Variants in CCDC68 observed in about 807,000 individuals in gnomAD.
CCDC68 encodes coiled-coil domain containing 68.
Under a neutral mutation model 47.1 loss-of-function variants are expected in CCDC68, and 45 were observed. The observed-to-expected ratio is 0.96, with a 90% CI of 0.75 to 1.23. CCDC68 has a LOEUF of 1.23. Ranked by LOEUF, CCDC68 falls within the 50% of genes most tolerant of loss-of-function variation. CCDC68 has a pLI of 0.00. For missense variants in CCDC68, 353 were observed against 373.6 expected (o/e 0.94, Z 0.45); for synonymous variants, 131 against 129.5 (o/e 1.01, Z -0.08).
rs185990330 is a variant in CCDC68 at position 54,941,947 on chromosome 18, C to G, written c.117+728G>C. ...AGTAGTTGAGATTACAGGCACCCAC[C>G]ACCAAGCCTGGCTAATTTTTTTGTA... On this transcript the variant is annotated intron_variant, in intron 3 of 11. Coordinates refer to ENST00000591504, the MANE Select transcript of CCDC68 (RefSeq NM_025214.3). Among the ~76,000 whole-genome samples, 3 of 152,252 alleles carry G rather than the reference C, an allele frequency of 2.0e-5. No homozygotes were observed. The East Asian group carries it at 5.8e-4, about 29-fold the overall frequency.
chr18:54,942,909 C>A, intron 2 of CCDC68, 106 bp from the exon 3 acceptor site: 1 of 681,102 alleles, frequency 1.5e-6, no homozygotes, highest in Non-Finnish European at 2.6e-6. Flanking sequence ...TCAAATATAG[C>A]AGAAAAGCTA....
At chr18:54,913,718 TAGG>T (rs1191686088) in intron 10 of CCDC68, among the ~76,000 whole-genome samples, 1 of 151,782 alleles carries the variant, frequency 6.6e-6, no homozygotes, top group Non-Finnish European at 1.5e-5. Flanking sequence ...AAGGCTGAGG[TAGG>T]AGGATTGCTT....
At position 54,941,077 on chromosome 18, in the gene CCDC68, T is replaced by C. The variant is rs2044429269; in HGVS notation, c.124A>G (p.Thr42Ala). 1 of 1,611,126 alleles carries C rather than the reference T, an allele frequency of 6.2e-7. No homozygotes were observed. The highest frequency in any genetic ancestry group is 1.1e-5 in the South Asian group (1 of 90,724). ...TGGGTCCTGATCTTTTGCAGAGTAG[T>C]TCGAATCTAGAGAAGGAAAACAAAA... ...EETEYVKKIR[T>A]TLQKIRTQMF... The change falls in exon 4 of 12, where the codon ACT becomes GCT. Residue 42 changes from threonine (T) to alanine (A), a missense_variant. Transcript: ENST00000591504.
chr18:54,909,257 T>C (rs963426569), intron 10 of CCDC68, among the ~76,000 whole-genome samples: 4 of 152,178 alleles, frequency 2.6e-5, no homozygotes, highest in African/African-American at 7.2e-5. Flanking sequence ...TAAAAGTGTC[T>C]GCGACCAAAA....
chr18:54,930,444 A>T (rs1355519812), intron 7 of CCDC68, among the ~76,000 whole-genome samples: 2 of 152,298 alleles, frequency 1.3e-5, no homozygotes, highest in East Asian at 3.9e-4. Context: ...TGAAGGCACT[A>T]ATTACTTCAA....
At position 54,941,888 on chromosome 18, in the gene CCDC68, T is replaced by G. The variant is rs111451265; in HGVS notation, c.117+787A>C. Among the ~76,000 whole-genome samples, 646 of 152,218 alleles carry G rather than the reference T, an allele frequency of 4.2e-3. 7 individuals are homozygous for G. Among genetic ancestry groups the G allele is most frequent in the African/African-American group, 0.014 (594 of 41,544 alleles). On this transcript the variant is annotated intron_variant, in intron 3 of 11. Transcript: ENST00000591504. ...TCTGCTCACTGTAACCTCCGCCTCC[T>G]GGGTTCAAGCGATTCTCCTGCCTCA...
At chr18:54,910,506 G>A (rs1203990752) in intron 10 of CCDC68, among the ~76,000 whole-genome samples, 1 of 152,208 alleles carries the variant, frequency 6.6e-6, no homozygotes, top group Non-Finnish European at 1.5e-5. Context: ...GGCAACACAA[G>A]TTCTTACTCC....
intron 9 of CCDC68, among the ~76,000 whole-genome samples, chr18:54,918,620 GT>G (rs1179130992): frequency 6.6e-6 from 1 of 152,216 alleles, no homozygotes; most frequent in African/African-American, 2.4e-5. Flanking sequence ...TGGCCTTTTA[GT>G]GATGTCATAG....
chr18:54,939,233 A>G (rs2044397429), intron 4 of CCDC68, among the ~76,000 whole-genome samples: 1 of 152,184 alleles, frequency 6.6e-6, no homozygotes, highest in Admixed American at 6.5e-5. Context: ...TCCACTCTTC[A>G]TATACAGAGT....
At chr18:54,935,021 A>C in intron 6 of CCDC68, 73 bp from the exon 7 acceptor site, 1 of 1,244,080 alleles carries the variant, frequency 8.0e-7, no homozygotes. Flanking sequence ...ACCTCTTTCT[A>C]TAATTTTCTA....
chr18:54,926,141 A>G (rs60148136), intron 8 of CCDC68, among the ~76,000 whole-genome samples: 2,053 of 152,298 alleles, frequency 0.013, 45 homozygotes, highest in African/African-American at 0.041. Context: ...ATGTAAATAC[A>G]GAGGGGCCAA....
At chr18:54,938,678 C>T (rs538986772) in intron 4 of CCDC68, among the ~76,000 whole-genome samples, 4 of 152,310 alleles carry the variant, frequency 2.6e-5, no homozygotes, top group Middle Eastern at 3.4e-3. Context: ...AATTGGAAAC[C>T]ACCTAACTTA....
chr18:54,948,524 G>A (rs1402198630), intron 1 of CCDC68, among the ~76,000 whole-genome samples: 1 of 152,206 alleles, frequency 6.6e-6, no homozygotes, highest in African/African-American at 2.4e-5. Flanking sequence ...CACTTTGTTA[G>A]AGCAACCCTA....
chr18:54,904,365 C>G lies in CCDC68; in HGVS notation c.1001G>C (p.Arg334Pro). Residue 334 changes from arginine to proline, a missense_variant, in exon 12 of 12, where the codon CGG (arginine) becomes CCG (proline). By Grantham distance (103) the Arg-to-Pro change is moderately radical. Transcript: ENST00000591504. Reference sequence around the variant, plus strand: ...GATCTTCATCCAGCCAGTTCATTTCCGTAACCTAATCAACATTAAATAAGG... The same window carrying G: ...GATCTTCATCCAGCCAGTTCATTTCGGTAACCTAATCAACATTAAATAAGG... ...VSPYLMLIRL[R>P]K 1 of 1,612,326 alleles carries G rather than the reference C, an allele frequency of 6.2e-7. No homozygotes were observed. The highest frequency in any genetic ancestry group is 1.3e-5 in the African/African-American group (1 of 74,966).
Position 54,919,518 on chromosome 18 carries a change from T to C in CCDC68, c.684-142A>G, listed in dbSNP as rs548887915. On this transcript the variant is annotated intron_variant, in intron 8 of 11. Transcript: ENST00000591504. ...GACCCCGGGGCCCCATTATGCCACATAGGACACACTGAAGATAAATAGCTA... is the reference window on the plus strand; with the variant it reads ...GACCCCGGGGCCCCATTATGCCACACAGGACACACTGAAGATAAATAGCTA... 3.8e-5 allele frequency: 24 copies of C among 638,308 alleles called. No individual in the cohort carries two copies. In the East Asian group the frequency reaches 5.6e-4, roughly 15 times the overall value. The allele number at this position is 638,308 out of a possible 1,614,324, so 39.5% of individuals were successfully genotyped here.
rs1308938136 is a variant in CCDC68 at position 54,940,877 on chromosome 18, G to C, written c.204+120C>G. 12 of 664,902 alleles carry C rather than the reference G, an allele frequency of 1.8e-5. No individual in the cohort carries two copies. The African/African-American group carries it at 1.8e-4, about 10-fold the overall frequency. 41.2% of individuals were successfully genotyped at this position (664,902 alleles called of 1,614,324 possible). A position where few individuals can be genotyped will look rare whatever the true frequency, so the allele number is the denominator to read the frequency against. On this transcript the variant is annotated intron_variant, in intron 4 of 11. Transcript: ENST00000591504. ...ACACATATGGCCATTAACGTCTTTAGATATGCATGAAATATTTCAACACTC... is the reference window on the plus strand; with the variant it reads ...ACACATATGGCCATTAACGTCTTTACATATGCATGAAATATTTCAACACTC...
Position 54,904,373 on chromosome 18 carries a change from A to C in CCDC68, c.993T>G (p.Ile331Met). 6.2e-7 allele frequency: 1 copy of C among 1,613,148 alleles called. No homozygotes were observed. ...TEGVSPYLML[I>M]RLRK ...TCCAGCCAGTTCATTTCCGTAACCT[A>C]ATCAACATTAAATAAGGGGAAACAC... Residue 331 changes from isoleucine to methionine, a missense_variant, in exon 12 of 12, where the codon ATT (isoleucine) becomes ATG (methionine). Coordinates refer to ENST00000591504, the MANE Select transcript of CCDC68 (RefSeq NM_025214.3).
At position 54,914,177 on chromosome 18, in the gene CCDC68, G is replaced by T. The variant is rs887706331; in HGVS notation, c.873+3736C>A. On this transcript the variant is annotated intron_variant, in intron 10 of 11. Coordinates refer to ENST00000591504, the MANE Select transcript of CCDC68 (RefSeq NM_025214.3). ...TTGAATAAATAAATTAATATGGCTT[G>T]GACTTTTTAAAGCTCAAATGGGTGT... 2.6e-5 allele frequency among the ~76,000 whole-genome samples: 4 copies of T among 152,080 alleles called. No individual in the cohort carries two copies. The East Asian group carries it at 7.7e-4, about 29-fold the overall frequency.
chr18:54,942,371 A>G (rs963610301), intron 3 of CCDC68, among the ~76,000 whole-genome samples: 1 of 152,186 alleles, frequency 6.6e-6, no homozygotes, highest in Non-Finnish European at 1.5e-5. Context: ...AAACAGTAGG[A>G]AATCCAGTGG....
Sources: allele counts gnomAD v4.1 joint callset (sites outside exome capture counted in the v4.1 genomes callset), GRCh38; gene constraint gnomAD v4.1.1; transcripts MANE v1.5; gene names NCBI Gene and HGNC (gene_info 2026-07-23, HGNC 2026-07-21).